CPNE2: variants seen among roughly 807,000 people sequenced by gnomAD.
CPNE2 encodes the protein copine 2.
A neutral mutation model predicts 69.7 loss-of-function variants in CPNE2; 42 were observed. The observed-to-expected ratio is 0.60, with a 90% CI of 0.47 to 0.78. The LOEUF (loss-of-function observed/expected upper bound fraction) is 0.78. CPNE2 is among the 30% of genes least tolerant of loss of function. CPNE2 has a pLI of 0.00. For synonymous variants in CPNE2, 294 were observed against 289.8 expected, an observed-to-expected ratio of 1.01 and a Z score of -0.15; for missense variants, 587 against 732.0, an observed-to-expected ratio of 0.80 and a Z score of 2.29.
At position 57,130,097 on chromosome 16, in the gene CPNE2, T is replaced by C. The variant is rs2069826646; in HGVS notation, c.1116+2194T>C. Among the ~76,000 whole-genome samples, 1 of 151,850 alleles carries C rather than the reference T, an allele frequency of 6.6e-6. No homozygotes were observed. The highest frequency in any genetic ancestry group is 2.4e-5 in the African/African-American group (1 of 41,322). On this transcript the variant is annotated intron_variant, in intron 12 of 15. Transcript: ENST00000290776. The surrounding 1 kb of genome is among the most constrained non-coding windows in gnomAD (Gnocchi z 4.1). ...ACCCTGGCTTTACAAAATTTAAAAG[T>C]TGGCTGGGTGCAGTGGCTCACACTT...
intron 14 of CPNE2, among the ~76,000 whole-genome samples, chr16:57,138,789 T>TG (rs1466723268): frequency 3.3e-5 from 5 of 152,206 alleles, no homozygotes; most frequent in African/African-American, 9.7e-5. Context: ...GCTCTGTGAA[T>TG]GGATGAAGTC....
Position 57,119,224 on chromosome 16 carries a change from G to C in CPNE2, c.537G>C (p.Leu179=), listed in dbSNP as rs1348718081. ...KDLFGKSDPF[L]EFYKPGDDGK... Reference sequence around the variant, plus strand: ...TCTTTGGGAAGTCAGACCCCTTTCTGGAGTTTTATAAGCCAGGAGACGATG... The same window carrying C: ...TCTTTGGGAAGTCAGACCCCTTTCTCGAGTTTTATAAGCCAGGAGACGATG... Residue 179 remains leucine, a synonymous_variant, in exon 6 of 16, where the codon CTG becomes CTC. Transcript: ENST00000290776. The C allele has an allele frequency of 6.2e-7, 1 of 1,614,042 alleles. No homozygotes were observed. The highest frequency in any genetic ancestry group is 1.3e-5 in the African/African-American group (1 of 74,934).
At chr16:57,107,011 C>T (rs2069652392) in intron 1 of CPNE2, among the ~76,000 whole-genome samples, 1 of 152,182 alleles carries the variant, frequency 6.6e-6, no homozygotes, top group African/African-American at 2.4e-5. Context: ...CTTTTCCTGG[C>T]CCTGTAACCT....
In CPNE2 at chr16:57,125,994, G is replaced by A; in HGVS notation, c.1061+1G>A. On this transcript the variant is annotated splice_donor_variant, in intron 11 of 15. Transcript: ENST00000290776. LOFTEE classifies it high-confidence loss of function. ...GGCAGATCATTCAGGACTACGACAG[G>A]TAAGGTTGGAGAGGGGCTCTGAAGG... 6.2e-7 allele frequency: 1 copy of A among 1,614,078 alleles called. No homozygotes were observed. Among genetic ancestry groups the A allele is most frequent in the Non-Finnish European group, 8.5e-7 (1 of 1,180,012 alleles).
intron 8 of CPNE2, 85 bp from the exon 9 acceptor site, chr16:57,121,589 T>C: frequency 7.5e-7 from 1 of 1,328,628 alleles, no homozygotes; most frequent in South Asian, 1.2e-5. Context: ...TTGTCAAGCC[T>C]GTGGAAGGGA....
intron 1 of CPNE2, chr16:57,093,888 G>A (rs2069561191): frequency 2.8e-6 from 1 of 357,284 alleles, no homozygotes; most frequent in South Asian, 2.0e-5. Flanking sequence ...CCTGGCAGCT[G>A]CAGCCTGCCC....
intron 1 of CPNE2, among the ~76,000 whole-genome samples, chr16:57,110,367 G>A (rs1393596585): frequency 6.6e-6 from 1 of 151,818 alleles, no homozygotes; most frequent in Non-Finnish European, 1.5e-5. Flanking sequence ...TGGGACCACA[G>A]GCACGCACCA....
chr16:57,103,167 G>A lies in CPNE2; in HGVS notation c.-35-7541G>A, dbSNP rs1017328805. ...AGACAGGATCTCACTCTGTCACCCA[G>A]ATTCGAGCGCAGTGGCACAATCACA... On this transcript the variant is annotated intron_variant, in intron 1 of 15. Transcript: ENST00000290776. Among the ~76,000 whole-genome samples the A allele has an allele frequency of 7.9e-5, 12 of 152,222 alleles. 1 individual carries two copies. The highest frequency in any genetic ancestry group is 2.9e-4 in the African/African-American group (12 of 41,538).
rs995547205 is a variant in CPNE2 at position 57,116,991 on chromosome 16, C to A, written c.436-505C>A. 2.6e-5 allele frequency among the ~76,000 whole-genome samples: 4 copies of A among 152,278 alleles called. No homozygotes were observed. The East Asian group carries it at 7.7e-4, about 29-fold the overall frequency. ...CTGGGCTGGGGTCAGGGAACCATAG[C>A]TGATGGGGAATGCATGGAGGACAGA... On this transcript the variant is annotated intron_variant, in intron 4 of 15. Coordinates refer to ENST00000290776, the MANE Select transcript of CPNE2 (RefSeq NM_152727.6).
chr16:57,112,585 C>T (rs1214836424), intron 2 of CPNE2, among the ~76,000 whole-genome samples: 2 of 152,174 alleles, frequency 1.3e-5, no homozygotes, highest in African/African-American at 4.8e-5. Context: ...CCAGACTCCG[C>T]GGTTTGGGGC....
intron 11 of CPNE2, among the ~76,000 whole-genome samples, chr16:57,127,638 G>C (rs1316545702): frequency 6.6e-6 from 1 of 152,178 alleles, no homozygotes; most frequent in African/African-American, 2.4e-5. Flanking sequence ...TCTGCCACAG[G>C]TATAGATGTG....
chr16:57,144,421 G>A (rs1411643591), intron 14 of CPNE2: 2 of 152,336 alleles, frequency 1.3e-5, no homozygotes, highest in Non-Finnish European at 2.9e-5. Context: ...CAGGGAACAA[G>A]TGGCTTTGCT....
chr16:57,141,719 C>T (rs1303881884), intron 14 of CPNE2: 1 of 152,164 alleles, frequency 6.6e-6, no homozygotes, highest in East Asian at 1.9e-4. Context: ...AACTTGTTTC[C>T]TCATCTGTGC....
intron 3 of CPNE2, 110 bp from the exon 4 acceptor site, chr16:57,115,366 G>A (rs879394243): frequency 6.0e-6 from 5 of 831,530 alleles, no homozygotes; most frequent in Admixed American, 2.1e-5. Context: ...CAGCCAGCCA[G>A]GGCGGGGTGC....
chr16:57,096,693 T>C (rs1237414219), intron 1 of CPNE2, among the ~76,000 whole-genome samples: 2 of 134,650 alleles, frequency 1.5e-5, no homozygotes, highest in Non-Finnish European at 3.1e-5. Flanking sequence ...AGTGAGACCA[T>C]GTCTCAAAAA....
chr16:57,095,926 C>T (rs577062432), intron 1 of CPNE2, among the ~76,000 whole-genome samples: 29 of 152,322 alleles, frequency 1.9e-4, no homozygotes, highest in African/African-American at 6.7e-4. Flanking sequence ...CTCATTGGTG[C>T]ACCAGCTTAT....
intron 12 of CPNE2, among the ~76,000 whole-genome samples, chr16:57,131,428 G>A (rs2069837694): frequency 6.6e-6 from 1 of 152,224 alleles, no homozygotes; most frequent in Non-Finnish European, 1.5e-5. Flanking sequence ...GTGAGGCTAC[G>A]CCTCAGATGG....
intron 1 of CPNE2, among the ~76,000 whole-genome samples, chr16:57,104,155 G>A (rs1384993630): frequency 6.6e-6 from 1 of 152,130 alleles, no homozygotes; most frequent in Non-Finnish European, 1.5e-5. Flanking sequence ...GACCTCAGGT[G>A]ATCCCAGCTG....
At chr16:57,137,029 A>G (rs905668101) in intron 13 of CPNE2, 120 bp from the exon 14 acceptor site, 22 of 1,417,030 alleles carry the variant, frequency 1.6e-5, no homozygotes, top group Middle Eastern at 1.8e-4. Flanking sequence ...CACAAGGCCT[A>G]TGCTAGCCAT....
Sources: gnomAD v4.1 joint callset for allele counts (sites outside exome capture counted in the v4.1 genomes callset) on GRCh38, gnomAD v4.1.1 for gene constraint, Gnocchi (gnomAD v3.1) non-coding constraint, MANE v1.5 for transcripts, NCBI Gene and HGNC (gene_info 2026-07-23, HGNC 2026-07-21) for gene names.